Variants in NOMO1 observed in about 807,000 individuals in gnomAD.
The protein encoded by NOMO1 is NODAL modulator 1, also known as nodal modulator 3.
A neutral mutation model predicts 133.8 loss-of-function variants in NOMO1; 40 were observed. That is an observed-to-expected ratio of 0.30 (90% CI 0.23 to 0.39). The LOEUF (loss-of-function observed/expected upper bound fraction) is 0.39. Among genes scored for constraint, NOMO1 ranks in the 10% least tolerant of loss-of-function variants. The pLI is 1.00. For synonymous variants in NOMO1, 236 were observed against 570.5 expected, an observed-to-expected ratio of 0.41 and a Z score of 8.36; for missense variants, 462 against 1,419.9, an observed-to-expected ratio of 0.33 and a Z score of 10.84.
intron 3 of NOMO1, among the ~76,000 whole-genome samples, chr16:14,842,586 A>C (rs1348967059): frequency 6.6e-6 from 1 of 151,878 alleles, no homozygotes; most frequent in African/African-American, 2.4e-5. Context: ...CCTTGGATGA[A>C]TTTTCACTAA....
chr16:14,860,250 C>T (rs1414790054), intron 11 of NOMO1, among the ~76,000 whole-genome samples: 1 of 151,652 alleles, frequency 6.6e-6, no homozygotes, highest in African/African-American at 2.4e-5. Context: ...CGCCTATAAT[C>T]CCAGCAACTC....
chr16:14,846,777 G>A (rs1963688777), intron 5 of NOMO1, 94 bp downstream of exon 5: 2 of 1,577,786 alleles, frequency 1.3e-6, no homozygotes, highest in Admixed American at 1.8e-5. Flanking sequence ...AGGGAGTTCT[G>A]GGTTCAGATC....
intron 9 of NOMO1, among the ~76,000 whole-genome samples, chr16:14,855,531 G>A (rs1352691921): frequency 6.6e-6 from 1 of 151,752 alleles, no homozygotes; most frequent in African/African-American, 2.4e-5. Flanking sequence ...CGGACTTTTA[G>A]GTCATATGCA....
In NOMO1 at chr16:14,876,386, T is replaced by C. The variant is rs1964160799; in HGVS notation, c.2384T>C (p.Ile795Thr). 1.2e-6 allele frequency: 2 copies of C among 1,611,238 alleles called. No homozygotes were observed. Among genetic ancestry groups the C allele is most frequent in the Non-Finnish European group, 8.5e-7 (1 of 1,179,714 alleles). The change falls in exon 21 of 31, where the codon ATC becomes ACC. Residue 795 changes from isoleucine (I) to threonine (T), a missense_variant. Transcript: ENST00000287667. ...AGCTGCCCAGGGAAGCTGATCGAGATCCATGGGAAGGCAGGCCTGTTTTTA... is the reference window on the plus strand; with the variant it reads ...AGCTGCCCAGGGAAGCTGATCGAGACCCATGGGAAGGCAGGCCTGTTTTTA... ...GESCPGKLIE[I>T]HGKAGLFLEG...
At chr16:14,862,080 G>A (rs972904618) in intron 11 of NOMO1, among the ~76,000 whole-genome samples, 2 of 151,460 alleles carry the variant, frequency 1.3e-5, no homozygotes, top group Non-Finnish European at 2.9e-5. Flanking sequence ...TTTTTTATTT[G>A]AGGCGGAGTG....
chr16:14,845,291 A>G (rs1160945433), intron 4 of NOMO1, among the ~76,000 whole-genome samples: 3 of 151,898 alleles, frequency 2.0e-5, no homozygotes. Flanking sequence ...GCCTGCCTCC[A>G]CTTCCCATAG....
At chr16:14,849,896 CT>C (rs1171906105) in intron 6 of NOMO1, among the ~76,000 whole-genome samples, 1,052 of 87,948 alleles carry the variant, frequency 0.012, 3 homozygotes, top group African/African-American at 0.046. Context: ...CAGATACAGT[CT>C]TTTTTTTTTT....
At chr16:14,874,469 C>G (rs1567545288) in intron 18 of NOMO1, among the ~76,000 whole-genome samples, 1 of 152,068 alleles carries the variant, frequency 6.6e-6, no homozygotes, top group Non-Finnish European at 1.5e-5. Context: ...TCCTTCAGAC[C>G]TTTGCTCAAC....
intron 11 of NOMO1, among the ~76,000 whole-genome samples, chr16:14,860,274 A>G (rs746424095): frequency 1.3e-4 from 19 of 151,584 alleles, no homozygotes; most frequent in Non-Finnish European, 2.5e-4. Flanking sequence ...AGGCTGAGGC[A>G]GGAGAATCGC....
intron 15 of NOMO1, among the ~76,000 whole-genome samples, chr16:14,867,577 TG>T (rs956754115): frequency 1.4e-5 from 2 of 142,920 alleles, no homozygotes; most frequent in African/African-American, 5.1e-5. Flanking sequence ...CTGTGGTCTC[TG>T]TGGCCTGAAA....
At chr16:14,874,770 G>C (rs1164859495) in intron 18 of NOMO1, among the ~76,000 whole-genome samples, 2 of 151,930 alleles carry the variant, frequency 1.3e-5, no homozygotes, top group Non-Finnish European at 2.9e-5. Flanking sequence ...TGTCCTACAT[G>C]GAAGCTACAA....
At chr16:14,878,961 T>C (rs1343089343) in intron 23 of NOMO1, 127 bp downstream of exon 23, 3 of 1,145,214 alleles carry the variant, frequency 2.6e-6, no homozygotes, top group Non-Finnish European at 3.9e-6. Context: ...TTTCAGTTTC[T>C]TGGGGGCCCA....
At chr16:14,882,739 C>T (rs1964262820) in intron 26 of NOMO1, 62 bp downstream of exon 26, 2 of 1,611,346 alleles carry the variant, frequency 1.2e-6, no homozygotes, top group Non-Finnish European at 1.7e-6. Flanking sequence ...AGAAGTCCTC[C>T]CGTCTCCTCT....
At chr16:14,862,123 C>T (rs1335826051) in intron 11 of NOMO1, among the ~76,000 whole-genome samples, 5 of 151,736 alleles carry the variant, frequency 3.3e-5, no homozygotes, top group Admixed American at 2.0e-4. Flanking sequence ...CCCTAATTGT[C>T]AGAATCCAAC....
intron 1 of NOMO1, among the ~76,000 whole-genome samples, chr16:14,836,937 C>T (rs1412093281): frequency 6.6e-6 from 1 of 151,368 alleles, no homozygotes; most frequent in East Asian, 1.9e-4. Context: ...GATCTCCTGA[C>T]CTCATGATCC....
intron 29 of NOMO1, among the ~76,000 whole-genome samples, chr16:14,892,772 C>G (rs1452069113): frequency 6.6e-6 from 1 of 150,914 alleles, no homozygotes; most frequent in African/African-American, 2.4e-5. Context: ...CTCCCATTTT[C>G]ACAGAAGCCC....
At chr16:14,880,636 T>C (rs1335738669) in intron 24 of NOMO1, among the ~76,000 whole-genome samples, 1 of 151,952 alleles carries the variant, frequency 6.6e-6, no homozygotes, top group African/African-American at 2.4e-5. Context: ...CCTGCCTCGG[T>C]CTCCCAAAGT....
chr16:14,888,545 T>G (rs1335146884), intron 28 of NOMO1: 1 of 168,974 alleles, frequency 5.9e-6, no homozygotes, highest in Non-Finnish European at 1.3e-5. Context: ...TGGCAGCTGG[T>G]CGGTGCTCAG....
chr16:14,851,288 T>C (rs1357839614), intron 6 of NOMO1, among the ~76,000 whole-genome samples: 1 of 151,920 alleles, frequency 6.6e-6, no homozygotes, highest in African/African-American at 2.4e-5. Flanking sequence ...CGGAAGCAAG[T>C]GTGAGGGCAC....
Sources: allele counts gnomAD v4.1 joint callset (sites outside exome capture counted in the v4.1 genomes callset), GRCh38; gene constraint gnomAD v4.1.1; transcripts MANE v1.5; gene names NCBI Gene and HGNC (gene_info 2026-07-23, HGNC 2026-07-21).